The following CIB4 variants were observed in gnomAD, a reference collection of about 807,000 sequenced individuals.
CIB4 encodes the protein calcium and integrin-binding family member 4.
CIB4 carries 25 observed loss-of-function variants against 25.8 expected under a neutral mutation model. The observed-to-expected ratio is 0.97, with a 90% confidence interval of 0.71 to 1.35. CIB4 has a LOEUF of 1.35. Among genes scored for constraint, CIB4 ranks in the 40% most tolerant of loss-of-function variants. The pLI is 0.00. For missense variants in CIB4, 235 were observed against 228.2 expected (o/e 1.03, Z -0.19); for synonymous variants, 75 against 81.4 (o/e 0.92, Z 0.42).
At chr2:26,621,863 A>G (rs1669210050) in intron 3 of CIB4, among the ~76,000 whole-genome samples, 1 of 152,242 alleles carries the variant, frequency 6.6e-6, no homozygotes, top group African/African-American at 2.4e-5. Flanking sequence ...GGAAATGTAC[A>G]GGAAACTTCT....
At chr2:26,587,432 T>C (rs1668479622) in intron 4 of CIB4, among the ~76,000 whole-genome samples, 1 of 151,742 alleles carries the variant, frequency 6.6e-6, no homozygotes, top group South Asian at 2.1e-4. Flanking sequence ...CTGCTACCTG[T>C]GTTATACTGT....
rs549842613 is a variant in CIB4 at position 26,610,344 on chromosome 2, C to T, written c.187-15027G>A. Among the ~76,000 whole-genome samples the T allele has an allele frequency of 1.8e-4, 27 of 152,338 alleles. No individual in the cohort carries two copies. The South Asian group carries it at 5.2e-3, about 29-fold the overall frequency. On this transcript the variant is annotated intron_variant, in intron 3 of 6. Transcript: ENST00000288861. ...AAACAGAAATGGACTCGCACTGCAG[C>T]CTCCTCTCACCAATAGCCGCCTCTC...
rs1013418542 is a variant in CIB4 at position 26,581,306 on chromosome 2, G to A, written c.*57C>T. 6 of 1,451,260 alleles carry A rather than the reference G, an allele frequency of 4.1e-6. No homozygotes were observed. The highest frequency in any genetic ancestry group is 3.3e-5 in the Admixed American group (2 of 59,718). The allele number at this position is 1,451,260 out of a possible 1,614,324, so 89.9% of individuals were successfully genotyped here. A position where few individuals can be genotyped will look rare whatever the true frequency, so the allele number is the denominator to read the frequency against. ...AAACCAGCTCCCTCCAGTGCTGGAG[G>A]GGGTTCGATTCCTGTGGTCTCCCTC... On this transcript the variant is annotated 3_prime_UTR_variant, in exon 7 of 7. Coordinates refer to ENST00000288861, the MANE Select transcript of CIB4 (RefSeq NM_001029881.3).
chr2:26,621,946 A>T (rs1266699838), intron 3 of CIB4, among the ~76,000 whole-genome samples: 1 of 152,268 alleles, frequency 6.6e-6, no homozygotes, highest in Non-Finnish European at 1.5e-5. Context: ...AAAAGTACAT[A>T]GACAACTAAG....
chr2:26,632,902 T>C (rs374515517), intron 2 of CIB4, among the ~76,000 whole-genome samples: 1 of 152,028 alleles, frequency 6.6e-6, no homozygotes, highest in Admixed American at 6.6e-5. Flanking sequence ...ATAAGAGCAA[T>C]TTTCAACAAA....
At chr2:26,582,605 G>A (rs1031549242) in intron 6 of CIB4, among the ~76,000 whole-genome samples, 7 of 152,320 alleles carry the variant, frequency 4.6e-5, no homozygotes, top group East Asian at 1.9e-4. Flanking sequence ...CATTCCCAAA[G>A]CCTGGGATCC....
At chr2:26,616,547 A>G (rs1669096234) in intron 3 of CIB4, among the ~76,000 whole-genome samples, 1 of 152,158 alleles carries the variant, frequency 6.6e-6, no homozygotes, top group Non-Finnish European at 1.5e-5. Flanking sequence ...TCCCAGGCCT[A>G]CCACAGGAGC....
At chr2:26,599,718 A>T (rs912270672) in intron 3 of CIB4, among the ~76,000 whole-genome samples, 1 of 152,012 alleles carries the variant, frequency 6.6e-6, no homozygotes, top group Admixed American at 6.6e-5. Flanking sequence ...GACTTCATTT[A>T]GTGTTTTTAT....
intron 3 of CIB4, among the ~76,000 whole-genome samples, chr2:26,604,866 T>C (rs1156726831): frequency 6.6e-6 from 1 of 152,108 alleles, no homozygotes; most frequent in East Asian, 1.9e-4. Context: ...ATAGAACAAG[T>C]AGGACCTCTA....
At chr2:26,616,001 CT>C (rs940122682) in intron 3 of CIB4, among the ~76,000 whole-genome samples, 1 of 152,226 alleles carries the variant, frequency 6.6e-6, no homozygotes, top group African/African-American at 2.4e-5. Flanking sequence ...CCCACCAGCG[CT>C]GGGGGGCGGT....
chr2:26,587,367 T>A (rs2148189541), intron 4 of CIB4, among the ~76,000 whole-genome samples: 1 of 145,280 alleles, frequency 6.9e-6, no homozygotes, highest in African/African-American at 2.5e-5. Flanking sequence ...TTCTACATAT[T>A]AGATAAATAA....
At chr2:26,607,920 G>A (rs1014502973) in intron 3 of CIB4, among the ~76,000 whole-genome samples, 19 of 152,242 alleles carry the variant, frequency 1.2e-4, no homozygotes, top group African/African-American at 4.6e-4. Context: ...TCACCTCCAC[G>A]TGAAATCTCC....
At position 26,595,161 on chromosome 2, in the gene CIB4, C is replaced by T; in HGVS notation, c.328+15G>A. ...CCTTTCCACCCCTCACCCCTCAGTC[C>T]CCCACAGCACCTACCATAGATGCGA... On this transcript the variant is annotated intron_variant, in intron 4 of 6. Transcript: ENST00000288861. The T allele has an allele frequency of 6.3e-7, 1 of 1,598,370 alleles. No individual in the cohort carries two copies.
At chr2:26,631,805 G>A (rs905645524) in intron 2 of CIB4, among the ~76,000 whole-genome samples, 1 of 152,058 alleles carries the variant, frequency 6.6e-6, no homozygotes, top group East Asian at 1.9e-4. Context: ...ATGAGGGATG[G>A]GTGGGGATTT....
intron 3 of CIB4, among the ~76,000 whole-genome samples, chr2:26,606,859 G>C (rs1263279486): frequency 3.3e-5 from 5 of 152,200 alleles, no homozygotes; most frequent in African/African-American, 1.2e-4. Flanking sequence ...TGACAGATGG[G>C]CTGGCAGGGT....
intron 3 of CIB4, among the ~76,000 whole-genome samples, chr2:26,628,382 C>A (rs1258043737): frequency 6.6e-6 from 1 of 152,090 alleles, no homozygotes; most frequent in Non-Finnish European, 1.5e-5. Flanking sequence ...CCAGCCTCCC[C>A]CCACTGCTCT....
chr2:26,592,670 G>T (rs565296510), intron 4 of CIB4, among the ~76,000 whole-genome samples: 5 of 152,098 alleles, frequency 3.3e-5, no homozygotes, highest in Admixed American at 3.3e-4. Context: ...CTGTTCTTCA[G>T]ATTAAGTTAT....
At chr2:26,584,799 C>T (rs367787031) in intron 4 of CIB4, among the ~76,000 whole-genome samples, 2 of 152,138 alleles carry the variant, frequency 1.3e-5, no homozygotes, top group African/African-American at 4.8e-5. Context: ...CCGTGGGGAG[C>T]CCTGGGGACT....
chr2:26,623,176 C>G (rs1203750777), intron 3 of CIB4, among the ~76,000 whole-genome samples: 1 of 151,458 alleles, frequency 6.6e-6, no homozygotes, highest in Non-Finnish European at 1.5e-5. Context: ...GACTCCATCT[C>G]TATGAAAAAC....
Sources: allele counts gnomAD v4.1 joint callset (sites outside exome capture counted in the v4.1 genomes callset), GRCh38; gene constraint gnomAD v4.1.1; transcripts MANE v1.5; gene names NCBI Gene and HGNC (gene_info 2026-07-23, HGNC 2026-07-21).